Variants in NRXN1 observed in about 807,000 individuals in gnomAD.
NRXN1 encodes the protein neurexin 1, also known as neurexin-1.
NRXN1 carries 39 observed loss-of-function variants against 150.9 expected under a neutral mutation model. The ratio of observed to expected loss-of-function variants is 0.26; its 90% CI spans 0.20 to 0.34. NRXN1 has a LOEUF of 0.34. Ranked by LOEUF, NRXN1 falls within the 10% of genes least tolerant of loss-of-function variation. The pLI, the probability that NRXN1 is intolerant of heterozygous loss-of-function variation, is 1.00. For missense variants in NRXN1, 1,815 were observed against 1,949.9 expected (o/e 0.93, Z 1.30); for synonymous variants, 924 against 757.0 (o/e 1.22, Z -3.62).
intron 5 of NRXN1, among the ~76,000 whole-genome samples, chr2:50,705,415 G>C (rs1407475938): frequency 6.6e-6 from 1 of 152,120 alleles, no homozygotes; most frequent in Non-Finnish European, 1.5e-5. Context: ...TGTGGTAGAA[G>C]TTAAATGTGA....
chr2:50,398,148 G>C (rs767142942), intron 17 of NRXN1, among the ~76,000 whole-genome samples: 32 of 152,140 alleles, frequency 2.1e-4, no homozygotes, highest in Non-Finnish European at 3.2e-4. Context: ...AAGTGGGGAT[G>C]ATTTATTGGC....
At chr2:50,852,548 C>G (rs932515376) in intron 5 of NRXN1, among the ~76,000 whole-genome samples, 5 of 152,118 alleles carry the variant, frequency 3.3e-5, no homozygotes, top group African/African-American at 1.2e-4. Flanking sequence ...AGATCTTTAA[C>G]AACTGAATTA....
At chr2:50,572,557 C>A (rs1457379511) in intron 8 of NRXN1, among the ~76,000 whole-genome samples, 1 of 152,100 alleles carries the variant, frequency 6.6e-6, no homozygotes, top group African/African-American at 2.4e-5. Context: ...CAGCCATTAT[C>A]ATTAATTGTT....
intron 17 of NRXN1, among the ~76,000 whole-genome samples, chr2:50,288,719 C>T (rs187181051): frequency 7.6e-4 from 115 of 152,168 alleles, no homozygotes; most frequent in Admixed American, 3.1e-3. Flanking sequence ...CTAAAAATCA[C>T]GGGAAGGACA....
chr2:50,553,657 G>A (rs1457253764), intron 8 of NRXN1, among the ~76,000 whole-genome samples: 1 of 152,242 alleles, frequency 6.6e-6, no homozygotes, highest in Non-Finnish European at 1.5e-5. Context: ...GTTAAGTAAT[G>A]TGGCACTGCC....
chr2:50,520,539 T>C (rs994222119), intron 12 of NRXN1, among the ~76,000 whole-genome samples: 3 of 151,928 alleles, frequency 2.0e-5, no homozygotes, highest in Non-Finnish European at 4.4e-5. Context: ...AGAAACATAA[T>C]AGAAAAGCAA....
Position 50,137,072 on chromosome 2 carries a change from G to C in NRXN1, c.3547-45578C>G, listed in dbSNP as rs558965725. On this transcript the variant is annotated intron_variant, in intron 18 of 22. Coordinates refer to ENST00000401669, the MANE Select transcript of NRXN1 (RefSeq NM_001330078.2). Reference sequence around the variant, plus strand: ...TTTGGCTTTGATATAGCTTTGAAAGGTAAAAGACAAACCAAGTAGATTTTT... The same window carrying C: ...TTTGGCTTTGATATAGCTTTGAAAGCTAAAAGACAAACCAAGTAGATTTTT... 2.6e-5 allele frequency among the ~76,000 whole-genome samples: 4 copies of C among 152,192 alleles called. No homozygotes were observed. In the East Asian group the frequency reaches 7.7e-4, roughly 29 times the overall value.
At chr2:50,213,089 T>C (rs982295187) in intron 18 of NRXN1, among the ~76,000 whole-genome samples, 1 of 151,906 alleles carries the variant, frequency 6.6e-6, no homozygotes, top group African/African-American at 2.4e-5. Flanking sequence ...AGGAGCTGGT[T>C]GTTGTCTTTG....
At chr2:49,932,611 AATCAAAACCCTC>A (rs948590461) in intron 22 of NRXN1, among the ~76,000 whole-genome samples, 1 of 152,208 alleles carries the variant, frequency 6.6e-6, no homozygotes, top group Non-Finnish European at 1.5e-5. Context: ...TTAACTAAGT[AATCAAAACCCTC>A]ATCAAAACCT....
intron 21 of NRXN1, among the ~76,000 whole-genome samples, chr2:50,021,530 C>T (rs148888709): frequency 6.0e-4 from 91 of 152,146 alleles, no homozygotes; most frequent in African/African-American, 1.9e-3. Context: ...AAATGCTTCC[C>T]GTTGAGAAAT....
chr2:50,550,138 G>C (rs932218032), intron 9 of NRXN1, among the ~76,000 whole-genome samples: 1 of 152,024 alleles, frequency 6.6e-6, no homozygotes, highest in African/African-American at 2.4e-5. Context: ...ATTTCTAAGT[G>C]AATGAAAAGC....
At chr2:50,933,301 G>A (rs1403805214) in intron 2 of NRXN1, among the ~76,000 whole-genome samples, 2 of 152,020 alleles carry the variant, frequency 1.3e-5, no homozygotes, top group African/African-American at 4.8e-5. Flanking sequence ...AAATATTTTG[G>A]TAGGTGAGAC....
intron 8 of NRXN1, among the ~76,000 whole-genome samples, chr2:50,609,332 A>T (rs1196229446): frequency 6.6e-6 from 1 of 152,152 alleles, no homozygotes; most frequent in Non-Finnish European, 1.5e-5. Flanking sequence ...GACAAGAAGA[A>T]GATATTAAAT....
intron 15 of NRXN1, among the ~76,000 whole-genome samples, chr2:50,484,899 T>C (rs999996420): frequency 6.6e-6 from 1 of 152,234 alleles, no homozygotes; most frequent in Non-Finnish European, 1.5e-5. Context: ...TTTTATTTTA[T>C]GATATTTCCC....
intron 21 of NRXN1, among the ~76,000 whole-genome samples, chr2:49,963,146 C>T (rs542639775): frequency 6.6e-6 from 1 of 152,250 alleles, no homozygotes; most frequent in South Asian, 2.1e-4. Context: ...TCCTCAAATC[C>T]TGCAGAATCC....
chr2:51,020,219 T>C (rs1200032723), intron 2 of NRXN1, among the ~76,000 whole-genome samples: 4 of 151,882 alleles, frequency 2.6e-5, no homozygotes, highest in African/African-American at 9.7e-5. Context: ...GGTACCTTTA[T>C]CCCAACCTCT....
chr2:50,088,185 G>A (rs1275629471), intron 19 of NRXN1, among the ~76,000 whole-genome samples: 1 of 151,982 alleles, frequency 6.6e-6, no homozygotes, highest in East Asian at 1.9e-4. Context: ...TACAATCACC[G>A]TGTCACAAAA....
At chr2:50,940,058 A>T (rs1025838253) in intron 2 of NRXN1, among the ~76,000 whole-genome samples, 1 of 152,230 alleles carries the variant, frequency 6.6e-6, no homozygotes, top group Non-Finnish European at 1.5e-5. Flanking sequence ...GACCTACGAA[A>T]TAGAATTATT....
At chr2:50,985,147 T>A (rs920315333) in intron 2 of NRXN1, among the ~76,000 whole-genome samples, 1 of 152,008 alleles carries the variant, frequency 6.6e-6, no homozygotes, top group South Asian at 2.1e-4. Flanking sequence ...AGTAAATCTG[T>A]AGATTACCAC....
Sources: allele counts gnomAD v4.1 joint callset (sites outside exome capture counted in the v4.1 genomes callset), GRCh38; gene constraint gnomAD v4.1.1; transcripts MANE v1.5; gene names NCBI Gene and HGNC (gene_info 2026-07-23, HGNC 2026-07-21).